Variants in G2E3 observed in about 807,000 individuals in gnomAD.
The protein encoded by G2E3 is G2/M phase-specific E3 ubiquitin-protein ligase.
In G2E3, 35 loss-of-function variants were observed where a neutral mutation model predicts 92.8. The ratio of observed to expected loss-of-function variants is 0.38; its 90% CI spans 0.29 to 0.50. The LOEUF is 0.50. Ranked by LOEUF, G2E3 falls within the 20% of genes least tolerant of loss-of-function variation. G2E3 has a pLI of 0.94. For missense variants in G2E3, 554 were observed against 823.8 expected, an observed-to-expected ratio of 0.67 and a Z score of 4.01; for synonymous variants, 242 against 272.4, an observed-to-expected ratio of 0.89 and a Z score of 1.10.
intron 4 of G2E3, chr14:30,590,858 A>C: frequency 1.0e-5 from 4 of 383,592 alleles, no homozygotes; most frequent in South Asian, 7.9e-5. Context: ...TTGGAACTAC[A>C]GATTGAATAT....
chr14:30,580,753 A>G (rs1259961257), intron 1 of G2E3: 1 of 190,034 alleles, frequency 5.3e-6, no homozygotes, highest in Non-Finnish European at 1.1e-5. Flanking sequence ...TGGAAATTTG[A>G]AAGTCTAGAC....
At chr14:30,592,272 T>C (rs776791482) in intron 4 of G2E3, 51 bp from the exon 5 acceptor site, 2 of 1,517,332 alleles carry the variant, frequency 1.3e-6, no homozygotes, top group Non-Finnish European at 1.8e-6. Flanking sequence ...GATCATATTA[T>C]AATACTCAGA....
intron 3 of G2E3, 49 bp from the exon 4 acceptor site, chr14:30,589,334 C>T: frequency 9.6e-7 from 1 of 1,038,958 alleles, no homozygotes; most frequent in Non-Finnish European, 1.5e-6. Flanking sequence ...TTTTTTAATG[C>T]CCAACTAGTT....
At chr14:30,614,198 ATTCTT>A (rs1369019657) in intron 13 of G2E3, among the ~76,000 whole-genome samples, 1 of 152,138 alleles carries the variant, frequency 6.6e-6, no homozygotes, top group Non-Finnish European at 1.5e-5. Context: ...TTTGTGGTTT[ATTCTT>A]TTATTATTTG....
At position 30,615,482 on chromosome 14, in the gene G2E3, A is replaced by C; in HGVS notation, c.1807A>C (p.Thr603Pro). The C allele has an allele frequency of 6.2e-7, 1 of 1,610,240 alleles. No individual in the cohort carries two copies. Among genetic ancestry groups the C allele is most frequent in the Non-Finnish European group, 8.5e-7 (1 of 1,178,282 alleles). Reference sequence around the variant, plus strand: ...CCTTAGTGAGCTTTTTACAGTACACACATTACCTGATGTGAAAGCTTTGGG... The same window carrying C: ...CCTTAGTGAGCTTTTTACAGTACACCCATTACCTGATGTGAAAGCTTTGGG... ...KILSELFTVH[T>P]LPDVKALGFW... The change falls in exon 14 of 15, where the codon ACA becomes CCA. Residue 603 changes from threonine (T) to proline (P), a missense_variant. By Grantham distance (38) the Thr-to-Pro change is conservative. This residue lies in a region of G2E3 where 397 missense variants were observed against 560.3 expected (regional missense o/e 0.71). Coordinates refer to ENST00000206595, the MANE Select transcript of G2E3 (RefSeq NM_017769.5).
At chr14:30,601,048 C>A (rs1881545509) in intron 8 of G2E3, among the ~76,000 whole-genome samples, 1 of 152,166 alleles carries the variant, frequency 6.6e-6, no homozygotes, top group Non-Finnish European at 1.5e-5. Context: ...CATACGCACA[C>A]CCACACAGAG....
At chr14:30,599,262 C>A (rs1348503508) in intron 8 of G2E3, among the ~76,000 whole-genome samples, 1 of 152,148 alleles carries the variant, frequency 6.6e-6, no homozygotes, top group Non-Finnish European at 1.5e-5. Context: ...GAGTCTTGCT[C>A]TGTTGCCCAG....
At chr14:30,603,545 T>A (rs889389814) in intron 10 of G2E3, among the ~76,000 whole-genome samples, 1 of 152,138 alleles carries the variant, frequency 6.6e-6, no homozygotes, top group African/African-American at 2.4e-5. Flanking sequence ...TACTTTCTTG[T>A]TAAAAATAAT....
At chr14:30,602,802 A>C (rs1881635162) in intron 10 of G2E3, 1 of 152,122 alleles carries the variant, frequency 6.6e-6, no homozygotes, top group South Asian at 2.1e-4. Context: ...GTAGAGATGG[A>C]CATCTTGCTA....
intron 12 of G2E3, among the ~76,000 whole-genome samples, chr14:30,609,231 C>T (rs1040746165): frequency 6.6e-6 from 1 of 152,080 alleles, no homozygotes. Context: ...TTTGTGCCCT[C>T]TTTACTAAAA....
intron 14 of G2E3, among the ~76,000 whole-genome samples, 192 bp downstream of exon 14, chr14:30,615,731 G>A (rs748025644): frequency 9.2e-5 from 14 of 152,150 alleles, no homozygotes; most frequent in Non-Finnish European, 1.8e-4. Context: ...AGATTACAGA[G>A]TAAATTTATA....
chr14:30,575,612 G>C (rs1218706897), intron 1 of G2E3, among the ~76,000 whole-genome samples: 1 of 152,166 alleles, frequency 6.6e-6, no homozygotes, highest in Non-Finnish European at 1.5e-5. Context: ...TCTGTATCTA[G>C]AAAACCCCTT....
At chr14:30,611,936 A>G (rs947072732) in intron 12 of G2E3, 4 of 277,382 alleles carry the variant, frequency 1.4e-5, no homozygotes, top group East Asian at 9.8e-5. Context: ...ACCTAGTGCT[A>G]TATAATTTTT....
intron 6 of G2E3, among the ~76,000 whole-genome samples, chr14:30,594,209 C>T (rs1003414825): frequency 2.1e-4 from 32 of 152,072 alleles, no homozygotes; most frequent in African/African-American, 7.5e-4. Context: ...TTTAATAATT[C>T]TTTGATTCTG....
intron 11 of G2E3, among the ~76,000 whole-genome samples, chr14:30,607,210 T>G (rs752673394): frequency 4.6e-5 from 7 of 152,066 alleles, no homozygotes; most frequent in Non-Finnish European, 8.8e-5. Flanking sequence ...GGATAAAGCA[T>G]AAGTCAAACT....
chr14:30,581,350 C>T (rs952290547), intron 2 of G2E3, among the ~76,000 whole-genome samples: 1 of 152,046 alleles, frequency 6.6e-6, no homozygotes, highest in Non-Finnish European at 1.5e-5. Flanking sequence ...CTCAATAAAA[C>T]AGTTATTTAA....
intron 2 of G2E3, among the ~76,000 whole-genome samples, chr14:30,585,797 T>G (rs977055547): frequency 1.3e-5 from 2 of 152,076 alleles, no homozygotes; most frequent in Non-Finnish European, 1.5e-5. Flanking sequence ...GGTTATTGAT[T>G]TGGGATTTTC....
chr14:30,615,216 G>C (rs1882257873), intron 13 of G2E3, 133 bp from the exon 14 acceptor site: 1 of 536,202 alleles, frequency 1.9e-6, no homozygotes, highest in African/African-American at 1.9e-5. Context: ...GTCTCTTGTG[G>C]GGGTTTTTTG....
rs781238644 is a variant in G2E3 at position 30,586,713 on chromosome 14, G to C, written c.38-5G>C. ...TTTTATATCTATTTACTTTTTCACT[G>C]TTAGCTTGTGTTTTCTGTCGAAAAC... On this transcript the variant is annotated splice_polypyrimidine_tract_variant and splice_region_variant and intron_variant, in intron 2 of 14. Transcript: ENST00000206595. 45 of 1,123,106 alleles carry C rather than the reference G, an allele frequency of 4.0e-5. No homozygotes were observed. The highest frequency in any genetic ancestry group is 5.5e-5 in the Non-Finnish European group (43 of 782,560). The allele number at this position is 1,123,106 out of a possible 1,614,324, so 69.6% of individuals were successfully genotyped here.
Sources: allele counts gnomAD v4.1 joint callset (sites outside exome capture counted in the v4.1 genomes callset), GRCh38; gene constraint gnomAD v4.1.1; regional missense constraint gnomAD v4.1.1; transcripts MANE v1.5; gene names NCBI Gene and HGNC (gene_info 2026-07-23, HGNC 2026-07-21).